WWC2: variants seen among roughly 807,000 people sequenced by gnomAD.
WWC2 encodes the protein WW and C2 domain containing 2, also known as protein WWC2.
A neutral mutation model predicts 138.5 loss-of-function variants in WWC2; 101 were observed. That is an observed-to-expected ratio of 0.73 (90% CI 0.62 to 0.86). The LOEUF (loss-of-function observed/expected upper bound fraction) is 0.86, where lower values mean the gene tolerates loss of function less well. WWC2 is among the 40% of genes least tolerant of loss of function. WWC2 has a pLI of 0.00. For synonymous variants in WWC2, 558 were observed against 538.4 expected, an observed-to-expected ratio of 1.04 and a Z score of -0.50; for missense variants, 1,420 against 1,419.4, an observed-to-expected ratio of 1.00 and a Z score of -0.01.
At chr4:183,227,962 CAG>C (rs1439427629) in intron 4 of WWC2, among the ~76,000 whole-genome samples, 1 of 151,900 alleles carries the variant, frequency 6.6e-6, no homozygotes, top group Non-Finnish European at 1.5e-5. Context: ...ACGTAAATCT[CAG>C]TGTATCAATA....
chr4:183,284,174 A>T, intron 18 of WWC2, 52 bp from the exon 19 acceptor site: 1 of 1,594,768 alleles, frequency 6.3e-7, no homozygotes, highest in Non-Finnish European at 8.6e-7. Context: ...AGAAAGGAGC[A>T]TAATGTTTAC....
At chr4:183,240,387 C>T (rs1391451379) in intron 5 of WWC2, 125 bp downstream of exon 5, 3 of 524,920 alleles carry the variant, frequency 5.7e-6, no homozygotes, top group Non-Finnish European at 8.7e-6. Flanking sequence ...AAGTTCAGAG[C>T]TCTACACCAA....
chr4:183,311,304 T>C (rs919577460), intron 21 of WWC2, among the ~76,000 whole-genome samples: 6 of 152,232 alleles, frequency 3.9e-5, no homozygotes, highest in African/African-American at 1.4e-4. Context: ...AGTGGAATAC[T>C]ATATAGCAGT....
At chr4:183,158,382 A>G in intron 1 of WWC2, among the ~76,000 whole-genome samples, 1 of 5,110 alleles carries the variant, frequency 2.0e-4, no homozygotes, top group African/African-American at 2.1e-4. Context: ...GCTGAGTCTG[A>G]GACCGGGTGT....
chr4:183,123,402 G>GGTT (rs1732664911), intron 1 of WWC2, among the ~76,000 whole-genome samples: 1 of 147,604 alleles, frequency 6.8e-6, no homozygotes, highest in Admixed American at 6.8e-5. Flanking sequence ...GCAAGTTTCA[G>GGTT]GTGTGTGTGT....
chr4:183,133,194 G>C (rs1480975089), intron 1 of WWC2, among the ~76,000 whole-genome samples: 1 of 139,976 alleles, frequency 7.1e-6, no homozygotes, highest in African/African-American at 2.7e-5. Context: ...TGTTGCCCAG[G>C]CTGGAGCTAG....
At chr4:183,243,044 C>T (rs536212162) in intron 5 of WWC2, among the ~76,000 whole-genome samples, 4 of 152,218 alleles carry the variant, frequency 2.6e-5, no homozygotes, top group Non-Finnish European at 5.9e-5. Flanking sequence ...TCACATTTAG[C>T]ATTCTGTTGA....
At position 183,193,647 on chromosome 4, in the gene WWC2, G is replaced by T. The variant is rs200518855; in HGVS notation, c.180G>T (p.Pro60=). Reference sequence around the variant, plus strand: ...CTGATTGTGTTGGGGATGAGCTGCCGTGGGGATGGGAAGCAGGGTTTGACC... The same window carrying T: ...CTGATTGTGTTGGGGATGAGCTGCCTTGGGGATGGGAAGCAGGGTTTGACC... The part of the protein sequence containing the change: ...SFADCVGDEL[P]WGWEAGFDPQ... The change falls in exon 2 of 23, where the codon CCG becomes CCT. Residue 60 remains proline (P), a synonymous_variant. Coordinates refer to ENST00000403733, the MANE Select transcript of WWC2 (RefSeq NM_024949.6). 8.1e-6 allele frequency: 13 copies of T among 1,613,824 alleles called. No homozygotes were observed. The East Asian group carries it at 1.6e-4, about 19-fold the overall frequency.
chr4:183,174,050 C>A (rs1734378534), intron 1 of WWC2, among the ~76,000 whole-genome samples: 1 of 152,120 alleles, frequency 6.6e-6, no homozygotes. Context: ...AATTCTTCGG[C>A]CTGACAAATG....
intron 1 of WWC2, among the ~76,000 whole-genome samples, chr4:183,180,542 A>G (rs924248959): frequency 1.3e-5 from 2 of 152,134 alleles, no homozygotes; most frequent in African/African-American, 2.4e-5. Flanking sequence ...GCAAACATTT[A>G]TAGCAACATC....
At chr4:183,175,482 C>CA (rs200616177) in intron 1 of WWC2, among the ~76,000 whole-genome samples, 1 of 152,134 alleles carries the variant, frequency 6.6e-6, no homozygotes, top group East Asian at 1.9e-4. Flanking sequence ...AGGCTGGCCC[C>CA]AAACCCCTGC....
chr4:183,264,363 A>G (rs1322872844), intron 11 of WWC2, among the ~76,000 whole-genome samples: 1 of 152,226 alleles, frequency 6.6e-6, no homozygotes, highest in Non-Finnish European at 1.5e-5. Context: ...TGCTCACTGC[A>G]GGATGCTGGT....
intron 6 of WWC2, among the ~76,000 whole-genome samples, chr4:183,247,875 C>A (rs1560865155): frequency 6.8e-6 from 1 of 146,342 alleles, no homozygotes; most frequent in African/African-American, 2.5e-5. Flanking sequence ...ATTTCTAATT[C>A]CTCCTAATCA....
chr4:183,231,341 C>G (rs537589817), intron 4 of WWC2, among the ~76,000 whole-genome samples: 1 of 143,344 alleles, frequency 7.0e-6, no homozygotes, highest in African/African-American at 2.6e-5. Context: ...GCGATCTCAG[C>G]TCATCACAAC....
chr4:183,187,254 G>C (rs1734832420), intron 1 of WWC2, among the ~76,000 whole-genome samples: 1 of 151,928 alleles, frequency 6.6e-6, no homozygotes, highest in Non-Finnish European at 1.5e-5. Flanking sequence ...AATTAAATCT[G>C]TAAAAAACGG....
At chr4:183,129,464 A>G (rs957279411) in intron 1 of WWC2, among the ~76,000 whole-genome samples, 1 of 152,250 alleles carries the variant, frequency 6.6e-6, no homozygotes, top group Non-Finnish European at 1.5e-5. Flanking sequence ...GTCTTGTGAA[A>G]GAAAGATCAG....
intron 1 of WWC2, among the ~76,000 whole-genome samples, chr4:183,155,323 G>C (rs532427477): frequency 6.6e-6 from 1 of 152,208 alleles, no homozygotes; most frequent in Non-Finnish European, 1.5e-5. Flanking sequence ...CGGAGACATA[G>C]TGGCCAGTTT....
At position 183,265,034 on chromosome 4, in the gene WWC2, A is replaced by G. The variant is rs1294409968; in HGVS notation, c.1966A>G (p.Thr656Ala). ...GATCCACTTGCTTGGGGAGAAAACC[A>G]CTTGTGTGTCGGCTGCTGTGTCTGA... Reference protein sequence around the residue: ...RVIHLLGEKTTCVSAAVSDES... With the variant: ...RVIHLLGEKTACVSAAVSDES... The change falls in exon 12 of 23, where the codon ACT (threonine) becomes GCT (alanine). Residue 656 changes from threonine (T) to alanine (A), a missense_variant. By Grantham distance (58) the Thr-to-Ala change is moderately conservative (BLOSUM62 0). Coordinates refer to ENST00000403733, the MANE Select transcript of WWC2 (RefSeq NM_024949.6). 3.7e-6 allele frequency: 6 copies of G among 1,613,608 alleles called. No homozygotes were observed. Among genetic ancestry groups the G allele is most frequent in the East Asian group, 2.2e-5 (1 of 44,872 alleles).
intron 21 of WWC2, among the ~76,000 whole-genome samples, chr4:183,308,420 T>C (rs1739093628): frequency 6.6e-6 from 1 of 152,192 alleles, no homozygotes; most frequent in Admixed American, 6.5e-5. Flanking sequence ...CAACACAGTA[T>C]TGAAGAAGAA....
Sources: gnomAD v4.1 joint callset for allele counts (sites outside exome capture counted in the v4.1 genomes callset) on GRCh38, gnomAD v4.1.1 for gene constraint, MANE v1.5 for transcripts, NCBI Gene and HGNC (gene_info 2026-07-23, HGNC 2026-07-21) for gene names.